RAP1GDS1: variants seen among roughly 807,000 people sequenced by gnomAD.
RAP1GDS1 encodes Rap1 GTPase-GDP dissociation stimulator 1, also known as RAP1, GTP-GDP dissociation stimulator 1.
RAP1GDS1 carries 35 observed loss-of-function variants against 71.1 expected under a neutral mutation model. The observed-to-expected ratio is 0.49, with a 90% CI of 0.38 to 0.65. The LOEUF (loss-of-function observed/expected upper bound fraction) is 0.65, where lower values mean the gene tolerates loss of function less well. RAP1GDS1 is among the 30% of genes least tolerant of loss of function. RAP1GDS1 has a pLI of 0.00. For missense variants in RAP1GDS1, 663 were observed against 706.1 expected, an observed-to-expected ratio of 0.94 and a Z score of 0.69; for synonymous variants, 229 against 243.1, an observed-to-expected ratio of 0.94 and a Z score of 0.54.
intron 5 of RAP1GDS1, among the ~76,000 whole-genome samples, chr4:98,380,936 A>C (rs75991281): frequency 1.3e-3 from 197 of 151,856 alleles, no homozygotes; most frequent in Non-Finnish European, 2.5e-3. Context: ...AATATATCAG[A>C]TGGCTGGTCT....
Position 98,365,950 on chromosome 4 carries a change from C to T in RAP1GDS1, c.362-13067C>T, listed in dbSNP as rs781706692. Among the ~76,000 whole-genome samples the T allele has an allele frequency of 1.6e-4, 24 of 152,286 alleles. No homozygotes were observed. The East Asian group carries it at 1.9e-3, about 12-fold the overall frequency. On this transcript the variant is annotated intron_variant, in intron 4 of 14. Transcript: ENST00000408927. ...TCTTTAGTGACCAGAGAAACCTTAA[C>T]GTAAACAGTAAGAAGCAAGTAATAG... is the stretch of plus-strand genomic sequence containing the variant.
intron 2 of RAP1GDS1, among the ~76,000 whole-genome samples, chr4:98,297,565 T>C (rs537954805): frequency 1.3e-5 from 2 of 152,298 alleles, no homozygotes; most frequent in Admixed American, 1.3e-4. Context: ...ATGTTACTAT[T>C]GTGATTGTTT....
At chr4:98,408,888 A>G (rs746858532) in intron 7 of RAP1GDS1, among the ~76,000 whole-genome samples, 23 of 152,312 alleles carry the variant, frequency 1.5e-4, no homozygotes, top group Admixed American at 7.2e-4. Flanking sequence ...AAGGTCTTCA[A>G]TCTGAAAAAG....
chr4:98,360,324 T>G (rs1320911734), intron 4 of RAP1GDS1, among the ~76,000 whole-genome samples: 1 of 152,182 alleles, frequency 6.6e-6, no homozygotes, highest in Non-Finnish European at 1.5e-5. Context: ...TTGGGTTCAA[T>G]AAGAAGTCAT....
At chr4:98,408,324 G>T (rs1012903659) in intron 7 of RAP1GDS1, among the ~76,000 whole-genome samples, 7 of 151,916 alleles carry the variant, frequency 4.6e-5, no homozygotes, top group Non-Finnish European at 1.0e-4. Flanking sequence ...GTAGACACGG[G>T]GTTTCACCAT....
chr4:98,377,431 T>C (rs1233216012), intron 4 of RAP1GDS1, among the ~76,000 whole-genome samples: 1 of 151,896 alleles, frequency 6.6e-6, no homozygotes, highest in Non-Finnish European at 1.5e-5. Flanking sequence ...TCTTGGCTGG[T>C]TCATCTAGCT....
intron 4 of RAP1GDS1, among the ~76,000 whole-genome samples, chr4:98,365,859 G>T (rs1739411135): frequency 6.6e-6 from 1 of 152,096 alleles, no homozygotes; most frequent in Non-Finnish European, 1.5e-5. Context: ...TGTGCTTTAA[G>T]TGAAATAAAA....
chr4:98,280,455 T>G (rs1353409871), intron 1 of RAP1GDS1, among the ~76,000 whole-genome samples: 1 of 152,122 alleles, frequency 6.6e-6, no homozygotes, highest in East Asian at 1.9e-4. Flanking sequence ...TTGATGGGGT[T>G]GTTTGTTTTT....
At chr4:98,323,098 C>A (rs1227159212) in intron 2 of RAP1GDS1, among the ~76,000 whole-genome samples, 2 of 150,744 alleles carry the variant, frequency 1.3e-5, no homozygotes, top group African/African-American at 4.9e-5. Flanking sequence ...ATATCACCAC[C>A]GATCCCACAG....
chr4:98,393,453 CA>C (rs1744034307), intron 6 of RAP1GDS1, among the ~76,000 whole-genome samples: 1 of 151,300 alleles, frequency 6.6e-6, no homozygotes, highest in Non-Finnish European at 1.5e-5. Context: ...TAGTATTTGA[CA>C]AAGTTATTCT....
At chr4:98,438,754 C>G (rs1417124193) in intron 14 of RAP1GDS1, among the ~76,000 whole-genome samples, 1 of 151,488 alleles carries the variant, frequency 6.6e-6, no homozygotes, top group Non-Finnish European at 1.5e-5. Context: ...CACATCACAC[C>G]TGGCTAATTT....
At chr4:98,340,011 T>C (rs1735269079) in intron 2 of RAP1GDS1, among the ~76,000 whole-genome samples, 1 of 150,458 alleles carries the variant, frequency 6.6e-6, no homozygotes, top group African/African-American at 2.5e-5. Flanking sequence ...ATAGCTGTTA[T>C]TAAAAAGTCA....
intron 2 of RAP1GDS1, among the ~76,000 whole-genome samples, chr4:98,306,129 T>A (rs1025200526): frequency 1.3e-5 from 2 of 152,200 alleles, no homozygotes; most frequent in Admixed American, 1.3e-4. Context: ...GACATATAAT[T>A]GATTGAAGTT....
chr4:98,326,190 T>C lies in RAP1GDS1; in HGVS notation c.113-16949T>C, dbSNP rs73834430. On this transcript the variant is annotated intron_variant, in intron 2 of 14. Transcript: ENST00000408927. ...TTAATTCTTCCCTCTTCCAAACATA[T>C]GCTTTTTAAATATTGAATTTCCTCA... Among the ~76,000 whole-genome samples, 966 of 152,320 alleles carry C rather than the reference T, an allele frequency of 6.3e-3. 10 individuals are homozygous for C. Among genetic ancestry groups the C allele is most frequent in the African/African-American group, 0.018 (757 of 41,566 alleles).
chr4:98,431,722 G>A (rs558558257), intron 12 of RAP1GDS1, among the ~76,000 whole-genome samples: 2 of 152,210 alleles, frequency 1.3e-5, no homozygotes, highest in African/African-American at 4.8e-5. Flanking sequence ...TTTTCTGCAG[G>A]ATAAAAATTT....
chr4:98,369,252 A>T (rs1739996254), intron 4 of RAP1GDS1, among the ~76,000 whole-genome samples: 1 of 152,214 alleles, frequency 6.6e-6, no homozygotes. Flanking sequence ...GGGTGGGGAC[A>T]CAGCCAGACC....
At chr4:98,431,856 T>A (rs1233241846) in intron 12 of RAP1GDS1, among the ~76,000 whole-genome samples, 1 of 152,224 alleles carries the variant, frequency 6.6e-6, no homozygotes, top group East Asian at 1.9e-4. Context: ...TTTAATCCCA[T>A]ATTCTATAAG....
At chr4:98,288,715 A>T (rs1032933779) in intron 1 of RAP1GDS1, among the ~76,000 whole-genome samples, 3 of 152,070 alleles carry the variant, frequency 2.0e-5, no homozygotes, top group Non-Finnish European at 4.4e-5. Context: ...CTTTTTAATG[A>T]TCGCCATTCT....
Position 98,406,319 on chromosome 4 carries a change from T to G in RAP1GDS1, c.763+1717T>G, listed in dbSNP as rs144406331. Among the ~76,000 whole-genome samples, 416 of 152,022 alleles carry G rather than the reference T, an allele frequency of 2.7e-3. 3 individuals carry two copies. The highest frequency in any genetic ancestry group is 9.3e-3 in the African/African-American group (384 of 41,506). On this transcript the variant is annotated intron_variant, in intron 7 of 14. Coordinates refer to ENST00000408927, the MANE Select transcript of RAP1GDS1 (RefSeq NM_001100427.2). ...CTACTTAAGCAATACTTATTAAATA[T>G]GAGATTTAAAAGATTGAGAATAATA...
Sources: allele counts gnomAD v4.1 joint callset (sites outside exome capture counted in the v4.1 genomes callset), GRCh38; gene constraint gnomAD v4.1.1; transcripts MANE v1.5; gene names NCBI Gene and HGNC (gene_info 2026-07-23, HGNC 2026-07-21).